The following SHISA9 variants were observed in gnomAD, a reference collection of about 807,000 sequenced individuals.
SHISA9 encodes protein shisa-9.
In SHISA9, 13 loss-of-function variants were observed where a neutral mutation model predicts 38.0. The observed-to-expected ratio is 0.34, with a 90% CI of 0.22 to 0.54. The LOEUF (loss-of-function observed/expected upper bound fraction) is 0.54. Ranked by LOEUF, SHISA9 falls within the 20% of genes least tolerant of loss-of-function variation. The pLI is 0.91. For missense variants in SHISA9, 538 were observed against 575.8 expected, an observed-to-expected ratio of 0.93 and a Z score of 0.67; for synonymous variants, 275 against 242.0, an observed-to-expected ratio of 1.14 and a Z score of -1.27.
intron 2 of SHISA9, among the ~76,000 whole-genome samples, chr16:13,188,110 G>T (rs531454225): frequency 2.6e-5 from 4 of 152,194 alleles, no homozygotes; most frequent in African/African-American, 7.2e-5. Context: ...GTGGTCATTT[G>T]CTGTCCCAGG....
chr16:13,058,133 G>A (rs556359692), intron 2 of SHISA9, among the ~76,000 whole-genome samples: 3 of 152,180 alleles, frequency 2.0e-5, no homozygotes, highest in Admixed American at 2.0e-4. Context: ...AATAGGGCTG[G>A]GGTGGGACAA....
intron 2 of SHISA9, among the ~76,000 whole-genome samples, chr16:13,182,159 C>T (rs1172247487): frequency 6.6e-6 from 1 of 152,148 alleles, no homozygotes; most frequent in Non-Finnish European, 1.5e-5. Context: ...GCCATAGTAT[C>T]TCTCATTTAT....
chr16:13,356,648 G>T, the SHISA9 span, among the ~76,000 whole-genome samples: 1 of 152,106 alleles, frequency 6.6e-6, no homozygotes, highest in Non-Finnish European at 1.5e-5. Flanking sequence ...GGGGTCAGAT[G>T]GGTCTGTAGA....
intron 2 of SHISA9, among the ~76,000 whole-genome samples, chr16:13,068,917 T>C (rs1183427202): frequency 6.6e-6 from 1 of 152,222 alleles, no homozygotes; most frequent in East Asian, 1.9e-4. Flanking sequence ...TGTGTATGTG[T>C]ATACGTGTGT....
At chr16:13,280,293 G>C in the SHISA9 span, among the ~76,000 whole-genome samples, 2 of 151,462 alleles carry the variant, frequency 1.3e-5, no homozygotes, top group Non-Finnish European at 1.5e-5. Flanking sequence ...CTGAGCTTGA[G>C]AGCCTCATTA....
the SHISA9 span, among the ~76,000 whole-genome samples, chr16:13,505,612 TC>T: frequency 6.6e-6 from 1 of 152,360 alleles, no homozygotes; most frequent in South Asian, 2.1e-4. Flanking sequence ...CTACAATACT[TC>T]CCCTTTATTT....
chr16:13,275,097 G>T, the SHISA9 span, among the ~76,000 whole-genome samples: 154 of 152,232 alleles, frequency 1.0e-3, 1 homozygote, highest in Admixed American at 1.6e-3. Context: ...TACCAGCTAC[G>T]TGAGATTGGG....
At chr16:13,133,733 A>G (rs549900474) in intron 2 of SHISA9, among the ~76,000 whole-genome samples, 11 of 152,180 alleles carry the variant, frequency 7.2e-5, no homozygotes, top group Non-Finnish European at 1.5e-4. Flanking sequence ...TCATGGAAGT[A>G]ATTGGCTTGT....
chr16:13,120,041 G>C (rs78666843), intron 2 of SHISA9, among the ~76,000 whole-genome samples: 1 of 152,202 alleles, frequency 6.6e-6, no homozygotes, highest in African/African-American at 2.4e-5. Flanking sequence ...AAGGGCAGGT[G>C]GGCATGGGGT....
At chr16:13,053,584 C>G (rs1207141805) in intron 2 of SHISA9, among the ~76,000 whole-genome samples, 1 of 152,200 alleles carries the variant, frequency 6.6e-6, no homozygotes, top group Non-Finnish European at 1.5e-5. Context: ...ACCCCATCAC[C>G]TACCACCTCT....
Position 12,916,764 on chromosome 16 carries a change from C to G in SHISA9, c.640C>G (p.His214Asp). Reference protein sequence around the residue: ...HMERDLNIVVHVQHYENMDTR... With the variant: ...HMERDLNIVVDVQHYENMDTR... ...GGAGAGAGACCTAAACATCGTTGTC[C>G]ACGTCCAGCATTATGAGAACATGGA... The change falls in exon 2 of 5, where the codon CAC becomes GAC. Residue 214 changes from histidine to aspartate, a missense_variant. Coordinates refer to ENST00000558583, the MANE Select transcript of SHISA9 (RefSeq NM_001145204.3). 6.4e-7 allele frequency: 1 copy of G among 1,552,032 alleles called. No individual in the cohort carries two copies.
At chr16:13,210,088 G>A (rs1459536862) in intron 3 of SHISA9, among the ~76,000 whole-genome samples, 2 of 152,130 alleles carry the variant, frequency 1.3e-5, no homozygotes, top group Non-Finnish European at 2.9e-5. Context: ...GCAACAGAGC[G>A]AGACTCTGTC....
At chr16:13,023,192 C>T (rs2072878375) in intron 2 of SHISA9, among the ~76,000 whole-genome samples, 1 of 151,994 alleles carries the variant, frequency 6.6e-6, no homozygotes, top group African/African-American at 2.4e-5. Flanking sequence ...GCAACAGGCC[C>T]TGGTGTGTGA....
chr16:12,912,997 C>T (rs1274180819), intron 1 of SHISA9, among the ~76,000 whole-genome samples: 1 of 152,102 alleles, frequency 6.6e-6, no homozygotes, highest in Non-Finnish European at 1.5e-5. Context: ...TCTCCAGTGT[C>T]ACCCCCTCAC....
chr16:13,225,801 T>G (rs905787679), intron 4 of SHISA9, among the ~76,000 whole-genome samples: 2 of 152,208 alleles, frequency 1.3e-5, no homozygotes, highest in African/African-American at 4.8e-5. Flanking sequence ...TGTACAAGTG[T>G]CTGCTGCTAA....
At chr16:13,478,848 C>T in the SHISA9 span, among the ~76,000 whole-genome samples, 1 of 152,158 alleles carries the variant, frequency 6.6e-6, no homozygotes, top group Non-Finnish European at 1.5e-5. Flanking sequence ...GCTTGGGGAC[C>T]TGTACTCAAT....
the SHISA9 span, among the ~76,000 whole-genome samples, chr16:13,337,538 G>T: frequency 5.2e-3 from 793 of 152,276 alleles, 4 homozygotes; most frequent in Non-Finnish European, 8.8e-3. Flanking sequence ...CCATTCACCA[G>T]TGAAGTGCCA....
intron 1 of SHISA9, chr16:12,911,595 T>C (rs1321093987): frequency 6.3e-6 from 1 of 159,382 alleles, no homozygotes; most frequent in Admixed American, 6.5e-5. Flanking sequence ...CAATGCATAA[T>C]GTACAGTGAC....
At chr16:13,357,761 CGGGTAGGAGTGG>C in the SHISA9 span, among the ~76,000 whole-genome samples, 1 of 136,308 alleles carries the variant, frequency 7.3e-6, no homozygotes, top group South Asian at 2.4e-4. Context: ...TGTTCTCTGG[CGGGTAGGAGTGG>C]GGGTCGCAAG....
Sources: gnomAD v4.1 joint callset for allele counts (sites outside exome capture counted in the v4.1 genomes callset) on GRCh38, gnomAD v4.1.1 for gene constraint, MANE v1.5 for transcripts, NCBI Gene and HGNC (gene_info 2026-07-23, HGNC 2026-07-21) for gene names.